The following TTC7B variants were observed in gnomAD, a reference collection of about 807,000 sequenced individuals.
TTC7B encodes the protein tetratricopeptide repeat protein 7B.
A neutral mutation model predicts 106.8 loss-of-function variants in TTC7B; 28 were observed. The ratio of observed to expected loss-of-function variants is 0.26; its 90% CI spans 0.19 to 0.36. The LOEUF (loss-of-function observed/expected upper bound fraction) is 0.36. Ranked by LOEUF, TTC7B falls within the 10% of genes least tolerant of loss-of-function variation. The pLI is 1.00. For missense variants in TTC7B, 862 were observed against 1,076.4 expected (o/e 0.80, Z 2.79); for synonymous variants, 405 against 430.6 (o/e 0.94, Z 0.74).
At chr14:90,809,661 C>T (rs8005251) in intron 1 of TTC7B, among the ~76,000 whole-genome samples, 11,987 of 152,344 alleles carry the variant, frequency 0.079, 850 homozygotes, top group African/African-American at 0.19. Flanking sequence ...GGAAAACCCT[C>T]GGCCTGACTT....
intron 4 of TTC7B, among the ~76,000 whole-genome samples, chr14:90,744,224 T>G (rs1259024643): frequency 6.6e-6 from 1 of 152,168 alleles, no homozygotes; most frequent in East Asian, 1.9e-4. Flanking sequence ...TTCAGGGTGC[T>G]GAAGGTATGA....
intron 9 of TTC7B, among the ~76,000 whole-genome samples, chr14:90,665,992 T>A (rs74081281): frequency 2.0e-5 from 3 of 152,168 alleles, no homozygotes; most frequent in Non-Finnish European, 4.4e-5. Flanking sequence ...ACTGACAGAA[T>A]CACAGAGCAA....
chr14:90,568,926 A>T (rs1025857924), intron 19 of TTC7B, among the ~76,000 whole-genome samples: 7 of 152,206 alleles, frequency 4.6e-5, no homozygotes, highest in African/African-American at 1.7e-4. Context: ...GGATGTGAGG[A>T]AATAGCTTAC....
intron 9 of TTC7B, among the ~76,000 whole-genome samples, chr14:90,669,549 A>AAAAAAG (rs1886552126): frequency 6.8e-6 from 1 of 146,128 alleles, no homozygotes; most frequent in Non-Finnish European, 1.5e-5. Context: ...AAAAAAAAAA[A>AAAAAAG]GCAGGTGTGG....
intron 4 of TTC7B, among the ~76,000 whole-genome samples, chr14:90,733,727 T>C (rs1386723750): frequency 6.6e-6 from 1 of 152,206 alleles, no homozygotes; most frequent in East Asian, 1.9e-4. Context: ...CTGAAGATTT[T>C]AGTCAAAAGA....
chr14:90,702,752 G>T (rs941954692), intron 5 of TTC7B, among the ~76,000 whole-genome samples: 3 of 152,178 alleles, frequency 2.0e-5, no homozygotes, highest in African/African-American at 7.2e-5. Flanking sequence ...GACAACCCAT[G>T]TCAGGTAAGA....
intron 15 of TTC7B, among the ~76,000 whole-genome samples, 199 bp from the exon 16 acceptor site, chr14:90,618,244 C>T (rs115305683): frequency 0.014 from 2,164 of 152,322 alleles, 48 homozygotes; most frequent in African/African-American, 0.05. Context: ...TCACCACTAA[C>T]GCAAATGCAA....
chr14:90,794,923 A>ACT (rs1891722947), intron 1 of TTC7B, among the ~76,000 whole-genome samples: 1 of 151,896 alleles, frequency 6.6e-6, no homozygotes, highest in Non-Finnish European at 1.5e-5. Flanking sequence ...TGTGACCAAC[A>ACT]CTCCATGAGC....
intron 13 of TTC7B, among the ~76,000 whole-genome samples, chr14:90,647,649 T>C (rs1382779357): frequency 1.3e-5 from 2 of 152,090 alleles, no homozygotes; most frequent in African/African-American, 4.8e-5. Context: ...CTAGGCTCAG[T>C]TTTAAGAACT....
In TTC7B at chr14:90,692,554, G is replaced by C. The variant is rs1010339050; in HGVS notation, c.778-2842C>G. Among the ~76,000 whole-genome samples, 3 of 152,212 alleles carry C rather than the reference G, an allele frequency of 2.0e-5. No individual in the cohort carries two copies. In the South Asian group the frequency reaches 6.2e-4, roughly 32 times the overall value. On this transcript the variant is annotated intron_variant, in intron 6 of 19. Coordinates refer to ENST00000328459, the MANE Select transcript of TTC7B (RefSeq NM_001010854.2). ...AATGTAAATCAAGATACCAGTGAGA[G>C]TCAACAATATGAACAAATGCTCCAT...
chr14:90,768,476 C>T (rs1170164231), intron 3 of TTC7B, among the ~76,000 whole-genome samples: 1 of 152,190 alleles, frequency 6.6e-6, no homozygotes, highest in Non-Finnish European at 1.5e-5. Flanking sequence ...ATGAACAAAT[C>T]ACCTCCCTCC....
chr14:90,591,132 G>C (rs1891941116), intron 18 of TTC7B, among the ~76,000 whole-genome samples: 1 of 152,176 alleles, frequency 6.6e-6, no homozygotes, highest in Non-Finnish European at 1.5e-5. Flanking sequence ...CTGAGGTCAG[G>C]AGTTCGAGAC....
rs147442650 is a variant in TTC7B, at chr14:90,612,008, C to T, written c.1869-1169G>A. On this transcript the variant is annotated intron_variant, in intron 16 of 19. Coordinates refer to ENST00000328459, the MANE Select transcript of TTC7B (RefSeq NM_001010854.2). ...ATTCTACAATAAGGAGACACAATTTCCTTCCTTTATGCAGCTGTTGCTAAA... is the reference window on the plus strand; with the variant it reads ...ATTCTACAATAAGGAGACACAATTTTCTTCCTTTATGCAGCTGTTGCTAAA... Among the ~76,000 whole-genome samples, 80 of 152,258 alleles carry T rather than the reference C, an allele frequency of 5.3e-4. 2 individuals are homozygous for T. The East Asian group carries it at 0.011, about 22-fold the overall frequency.
intron 3 of TTC7B, among the ~76,000 whole-genome samples, chr14:90,756,384 G>GTTTTTTTTTTTTTTTTT (rs369068692): frequency 3.2e-5 from 4 of 126,778 alleles, no homozygotes; most frequent in Non-Finnish European, 4.7e-5. Flanking sequence ...TTTTTTTTTT[G>GTTTTTTTTTTTTTTTTT]TTTTTTTTTT....
At chr14:90,602,048 A>T (rs1041454728) in intron 17 of TTC7B, 1 of 447,088 alleles carries the variant, frequency 2.2e-6, no homozygotes, top group South Asian at 1.6e-5. Flanking sequence ...AAATAAAGGC[A>T]CATCTAGGTT....
At chr14:90,697,827 G>C (rs1193793444) in intron 5 of TTC7B, 1 of 152,280 alleles carries the variant, frequency 6.6e-6, no homozygotes, top group Non-Finnish European at 1.5e-5. Flanking sequence ...GGCAACACCA[G>C]CCACTGGGTG....
At chr14:90,719,066 G>A (rs1042137402) in intron 5 of TTC7B, among the ~76,000 whole-genome samples, 9 of 151,986 alleles carry the variant, frequency 5.9e-5, no homozygotes, top group African/African-American at 1.9e-4. Flanking sequence ...TTCGAGACCA[G>A]CCTGGGCAAT....
intron 5 of TTC7B, among the ~76,000 whole-genome samples, chr14:90,706,680 C>T (rs1377874655): frequency 6.6e-6 from 1 of 152,088 alleles, no homozygotes; most frequent in Non-Finnish European, 1.5e-5. Context: ...TTAAAATGAC[C>T]TAGGAATCTT....
intron 3 of TTC7B, among the ~76,000 whole-genome samples, chr14:90,767,497 G>A (rs1157596188): frequency 1.3e-5 from 2 of 152,150 alleles, no homozygotes; most frequent in African/African-American, 4.8e-5. Flanking sequence ...CTTGGGAGTA[G>A]ATTCATTATA....
Sources: allele counts gnomAD v4.1 joint callset (sites outside exome capture counted in the v4.1 genomes callset), GRCh38; gene constraint gnomAD v4.1.1; transcripts MANE v1.5; gene names NCBI Gene and HGNC (gene_info 2026-07-23, HGNC 2026-07-21).